ATP11A: variants seen among roughly 807,000 people sequenced by gnomAD.
The protein encoded by ATP11A is phospholipid-transporting ATPase IH.
In ATP11A, 81 loss-of-function variants were observed where a neutral mutation model predicts 154.4. The observed-to-expected ratio is 0.52, with a 90% CI of 0.44 to 0.63. ATP11A has a LOEUF of 0.63. ATP11A is among the 30% of genes least tolerant of loss of function. The probability of loss-of-function intolerance (pLI) is 0.00; values close to 1 mark genes in which losing one functional copy is unlikely to be tolerated. For synonymous variants in ATP11A, 623 were observed against 585.9 expected, an observed-to-expected ratio of 1.06 and a Z score of -0.91; for missense variants, 1,316 against 1,474.3, an observed-to-expected ratio of 0.89 and a Z score of 1.76.
rs1211550990 is a variant in ATP11A, at chr13:112,825,603, T to G, written c.1023+23T>G. ...CTGGTATGGAGAATCACTGCCCTTG[T>G]ATGATCCGAGGTGACCTGTGGGCCA... On this transcript the variant is annotated intron_variant, in intron 11 of 29. Coordinates refer to ENST00000375645, the MANE Select transcript of ATP11A (RefSeq NM_015205.3). 4 of 1,604,272 alleles carry G rather than the reference T, an allele frequency of 2.5e-6. No homozygotes were observed. The South Asian group carries it at 3.4e-5, about 13-fold the overall frequency.
In ATP11A at chr13:112,882,006, A is replaced by G. The variant is rs771940361; in HGVS notation, c.*140A>G. 10 of 1,367,616 alleles carry G rather than the reference A, an allele frequency of 7.3e-6. No individual in the cohort carries two copies. The highest frequency in any genetic ancestry group is 3.0e-5 in the African/African-American group (2 of 67,774). The allele number at this position is 1,367,616 out of a possible 1,614,324, so 84.7% of individuals were successfully genotyped here. On this transcript the variant is annotated 3_prime_UTR_variant, in exon 30 of 30. Transcript: ENST00000375645. This position sits in a 1 kb window ranked among gnomAD's most constrained non-coding sequence, Gnocchi z 5.1. ...CCCATCCTCGGCGGTTCCCATCACC[A>G]CTGCAGTTCCATCCCAAGTCACAGC...
At position 112,746,623 on chromosome 13, in the gene ATP11A, G is replaced by C. The variant is rs78826989; in HGVS notation, c.40-38512G>C. The C allele has an allele frequency of 6.6e-6, 1 of 151,502 alleles. No individual in the cohort carries two copies. The highest frequency in any genetic ancestry group is 1.5e-5 in the Non-Finnish European group (1 of 68,024). The allele number at this position is 151,502 out of a possible 1,614,324, so 9.4% of individuals were successfully genotyped here. On this transcript the variant is annotated intron_variant, in intron 1 of 29. Transcript: ENST00000375645. The surrounding 1 kb of genome is among the most constrained non-coding windows in gnomAD (Gnocchi z 4.1). ...TGCAGTGGCACAACCATACCTCACT[G>C]CAGCTTCGACCTCCTGGGCTCAAGC...
intron 18 of ATP11A, among the ~76,000 whole-genome samples, chr13:112,854,007 G>C (rs889696638): frequency 6.6e-6 from 1 of 152,284 alleles, no homozygotes; most frequent in Non-Finnish European, 1.5e-5. Flanking sequence ...CTTGTCAGAC[G>C]TCAGTGACAC....
intron 12 of ATP11A, among the ~76,000 whole-genome samples, chr13:112,831,047 C>A (rs968211532): frequency 6.6e-6 from 1 of 152,172 alleles, no homozygotes; most frequent in Admixed American, 6.5e-5. Flanking sequence ...GCCCTGGCCC[C>A]ACCCATGTCT....
chr13:112,806,321 C>T lies in ATP11A; in HGVS notation c.333+28C>T, dbSNP rs763714283. ...AAGCATTTTACAGACGAAAAAGAAG[C>T]AATCGTCATCTTCACCATGTGAATT... On this transcript the variant is annotated intron_variant, in intron 4 of 29. Transcript: ENST00000375645. The T allele has an allele frequency of 2.6e-6, 4 of 1,531,336 alleles. No homozygotes were observed. The Admixed American group carries it at 5.1e-5, about 20-fold the overall frequency. The allele number at this position is 1,531,336 out of a possible 1,614,324, so 94.9% of individuals were successfully genotyped here. A position where few individuals can be genotyped will look rare whatever the true frequency, so the allele number is the denominator to read the frequency against.
chr13:112,873,095 T>G (rs78736169), intron 26 of ATP11A, among the ~76,000 whole-genome samples: 71 of 34,704 alleles, frequency 2.0e-3, no homozygotes, highest in South Asian at 4.8e-3. Flanking sequence ...TTTGTCTCCT[T>G]AATGGTGTGA....
rs2080991066 is a variant in ATP11A at position 112,887,157 on chromosome 13, A to C, written c.*5291A>C. 6.6e-6 allele frequency: 1 copy of C among 152,254 alleles called. No homozygotes were observed. The highest frequency in any genetic ancestry group is 2.4e-5 in the African/African-American group (1 of 41,466). The allele number at this position is 152,254 out of a possible 1,614,324, so 9.4% of individuals were successfully genotyped here. On this transcript the variant is annotated 3_prime_UTR_variant, in exon 30 of 30. Transcript: ENST00000375645. ...AGTCTGCTTCAGTTTCTTTATAAAGAAACTCACACAAGTGGTGTGTACATT... is the reference window on the plus strand; with the variant it reads ...AGTCTGCTTCAGTTTCTTTATAAAGCAACTCACACAAGTGGTGTGTACATT...
intron 25 of ATP11A, 52 bp from the exon 26 acceptor site, chr13:112,871,683 A>AG (rs1191828100): frequency 6.4e-7 from 1 of 1,555,944 alleles, no homozygotes; most frequent in African/African-American, 1.4e-5. Context: ...ATTGTGAAAG[A>AG]GAAAAAAAAA....
intron 1 of ATP11A, among the ~76,000 whole-genome samples, chr13:112,715,204 C>G (rs1247941146): frequency 6.6e-6 from 1 of 152,164 alleles, no homozygotes; most frequent in African/African-American, 2.4e-5. Flanking sequence ...GAAAGCTTCT[C>G]AAAAGGACTA....
In ATP11A at chr13:112,746,109, C is replaced by T. The variant is rs1183535322; in HGVS notation, c.40-39026C>T. 2 of 148,644 alleles carry T rather than the reference C, an allele frequency of 1.3e-5. No homozygotes were observed. The highest frequency in any genetic ancestry group is 6.6e-5 in the Admixed American group (1 of 15,130). The allele number at this position is 148,644 out of a possible 1,614,324, so 9.2% of individuals were successfully genotyped here. A position where few individuals can be genotyped will look rare whatever the true frequency, so the allele number is the denominator to read the frequency against. ...CTGTGATGGACTCTTGGGCGTCTGC[C>T]GTAGGCCGCTGTGAATGCTGGCGGC... On this transcript the variant is annotated intron_variant, in intron 1 of 29. Coordinates refer to ENST00000375645, the MANE Select transcript of ATP11A (RefSeq NM_015205.3). This position sits in a 1 kb window ranked among gnomAD's most constrained non-coding sequence, Gnocchi z 4.1.
intron 11 of ATP11A, among the ~76,000 whole-genome samples, chr13:112,825,967 CTGTGT>C (rs2078923561): frequency 6.6e-6 from 1 of 152,206 alleles, no homozygotes; most frequent in Admixed American, 6.5e-5. Context: ...AAACCGAGAC[CTGTGT>C]CCACTGAGCC....
Position 112,860,352 on chromosome 13 carries a change from G to A in ATP11A, c.2793G>A (p.Leu931=). The change falls in exon 24 of 30, where the codon CTG becomes CTA. Residue 931 remains leucine (L), a synonymous_variant. Transcript: ENST00000375645. ...NISFTSLPIL[L]YSLMEQHVGI... ...GCTTCACCTCCCTCCCCATCCTCCT[G>A]TACAGCCTCATGGAGCAGCATGTTG... 1 of 1,614,106 alleles carries A rather than the reference G, an allele frequency of 6.2e-7. No homozygotes were observed. The highest frequency in any genetic ancestry group is 8.5e-7 in the Non-Finnish European group (1 of 1,180,018).
chr13:112,783,532 C>T (rs1236488849), intron 1 of ATP11A, among the ~76,000 whole-genome samples: 1 of 152,268 alleles, frequency 6.6e-6, no homozygotes, highest in African/African-American at 2.4e-5. Flanking sequence ...AGCCAAGGGT[C>T]AGCCCTTCGA....
At chr13:112,707,268 A>G (rs1487468032) in intron 1 of ATP11A, among the ~76,000 whole-genome samples, 1 of 152,118 alleles carries the variant, frequency 6.6e-6, no homozygotes, top group Non-Finnish European at 1.5e-5. Flanking sequence ...ATACATAATT[A>G]GCCCTGTGTG....
chr13:112,796,860 G>T (rs1393490567), intron 2 of ATP11A, among the ~76,000 whole-genome samples: 2 of 152,144 alleles, frequency 1.3e-5, no homozygotes, highest in Non-Finnish European at 2.9e-5. Flanking sequence ...GACTGACGTG[G>T]TGTGCAAAGG....
intron 1 of ATP11A, among the ~76,000 whole-genome samples, chr13:112,712,449 T>C (rs1008473137): frequency 6.6e-6 from 1 of 152,148 alleles, no homozygotes; most frequent in Non-Finnish European, 1.5e-5. Flanking sequence ...CCAAGCTCAC[T>C]GGGCCCCACA....
chr13:112,851,323 C>A, intron 18 of ATP11A, 105 bp downstream of exon 18: 1 of 1,133,452 alleles, frequency 8.8e-7, no homozygotes, highest in Non-Finnish European at 1.3e-6. Context: ...ATCCGCACAG[C>A]CGACGGGGCG....
intron 1 of ATP11A, among the ~76,000 whole-genome samples, chr13:112,699,312 G>A (rs970042136): frequency 7.9e-5 from 12 of 152,108 alleles, no homozygotes; most frequent in Admixed American, 4.6e-4. Flanking sequence ...ACCCCGTTTG[G>A]CAAAATGTTT....
chr13:112,701,694 G>T (rs568969762), intron 1 of ATP11A, among the ~76,000 whole-genome samples: 10 of 152,144 alleles, frequency 6.6e-5, no homozygotes, highest in Admixed American at 2.0e-4. Context: ...TTAGCTGGGC[G>T]TGGTGGCGGG....
Sources: gnomAD v4.1 joint callset for allele counts (sites outside exome capture counted in the v4.1 genomes callset) on GRCh38, gnomAD v4.1.1 for gene constraint, Gnocchi (gnomAD v3.1) non-coding constraint, MANE v1.5 for transcripts, NCBI Gene and HGNC (gene_info 2026-07-23, HGNC 2026-07-21) for gene names.